The following IQSEC2 variants were observed in gnomAD, a reference collection of about 807,000 sequenced individuals.
IQSEC2 encodes IQ motif and Sec7 domain ArfGEF 2.
In IQSEC2, 6 loss-of-function variants were observed where a neutral mutation model predicts 74.6. The ratio of observed to expected loss-of-function variants is 0.08; its 90% CI spans 0.04 to 0.16. The LOEUF is 0.16. Ranked by LOEUF, IQSEC2 falls within the 10% of genes least tolerant of loss-of-function variation. The pLI, the probability that IQSEC2 is intolerant of heterozygous loss-of-function variation, is 1.00. For synonymous variants in IQSEC2, 494 were observed against 544.5 expected (o/e 0.91, Z 1.29); for missense variants, 734 against 1,306.2 (o/e 0.56, Z 6.75).
chrX:53,275,123 T>C (rs1323178418), intron 2 of IQSEC2, among the ~76,000 whole-genome samples: 1 of 111,883 alleles, frequency 8.9e-6, no homozygotes, highest in Non-Finnish European at 1.9e-5. Flanking sequence ...CTTAATATTA[T>C]TAAAATATTC....
chrX:53,305,155 G>A (rs2075248287), intron 1 of IQSEC2, among the ~76,000 whole-genome samples: 1 of 109,922 alleles, frequency 9.1e-6, no homozygotes, highest in South Asian at 3.9e-4. Flanking sequence ...CTGGCCTCAA[G>A]TGATCCACCT....
At position 53,291,957 on chromosome X, in the gene IQSEC2, G is replaced by A. The variant is rs782545197; in HGVS notation, c.708-33C>T. ...GGAAACAGAGAAAAAAAACCAAAAC[G>A]GTCAGTATACGCTCTCTTCTCCCTC... On this transcript the variant is annotated intron_variant, in intron 1 of 14. Coordinates refer to ENST00000642864, the MANE Select transcript of IQSEC2 (RefSeq NM_001111125.3). 69 of 1,150,211 alleles carry A rather than the reference G, an allele frequency of 6.0e-5. No homozygotes were observed. In the African/African-American group the frequency reaches 1.0e-3, roughly 17 times the overall value. The allele number at this position is 1,150,211 out of a possible 1,213,427, so 94.8% of individuals were successfully genotyped here.
At chrX:53,297,851 CAGGCG>C (rs1569331196) in intron 1 of IQSEC2, among the ~76,000 whole-genome samples, 2 of 111,371 alleles carry the variant, frequency 1.8e-5, no homozygotes, top group Non-Finnish European at 3.8e-5. Flanking sequence ...TCTCTCAGGC[CAGGCG>C]TGGTGGCTCA....
In IQSEC2 at chrX:53,255,979, G is replaced by C; in HGVS notation, c.820C>G (p.Leu274Val). 8.4e-7 allele frequency: 1 copy of C among 1,190,642 alleles called. No homozygotes were observed. The highest frequency in any genetic ancestry group is 1.1e-6 in the Non-Finnish European group (1 of 882,902). ...GSQPPYRLSQ[L>V]PPSSSHMGGP... ...CCCATGTGGCTGCTGGAGGGGGGCAGCTGGCTCAGCCGGTAGGGGGGTTGG... is the reference window on the plus strand; with the variant it reads ...CCCATGTGGCTGCTGGAGGGGGGCACCTGGCTCAGCCGGTAGGGGGGTTGG... The change falls in exon 3 of 15, where the codon CTG (leucine) becomes GTG (valine). Residue 274 changes from leucine (L) to valine (V), a missense_variant. By Grantham distance (32) the Leu-to-Val change is conservative. Coordinates refer to ENST00000642864, the MANE Select transcript of IQSEC2 (RefSeq NM_001111125.3).
chrX:53,235,051 T>C lies in IQSEC2; in HGVS notation c.3635A>G (p.Lys1212Arg), dbSNP rs781960768. ...CATCTGGAAGGGCCCCTTGCCCCGCTTGCTTCCAAATAGGGAGCCCAGGAA... is the reference window on the plus strand; with the variant it reads ...CATCTGGAAGGGCCCCTTGCCCCGCCTGCTTCCAAATAGGGAGCCCAGGAA... Reference protein sequence around the residue: ...SSFLGSLFGSKRGKGPFQMPP... With the variant: ...SSFLGSLFGSRRGKGPFQMPP... Residue 1212 changes from lysine to arginine, a missense_variant, in exon 15 of 15, where the codon AAG (lysine) becomes AGG (arginine). Lys to Arg is a conservative substitution (Grantham distance 26, BLOSUM62 2). Transcript: ENST00000642864. The C allele has an allele frequency of 8.6e-7, 1 of 1,164,655 alleles. No homozygotes were observed. Among genetic ancestry groups the C allele is most frequent in the Admixed American group, 2.6e-5 (1 of 38,503 alleles).
chrX:53,267,008 A>C, intron 2 of IQSEC2: 1 of 1,154,373 alleles, frequency 8.7e-7, no homozygotes, highest in East Asian at 3.3e-5. Flanking sequence ...CGGACAGCAG[A>C]ACTGGTGAGC....
At chrX:53,228,345 A>G (rs782447481), downstream of IQSEC2, among the ~76,000 whole-genome samples, 44 of 111,667 alleles carry the variant, frequency 3.9e-4, no homozygotes, top group Non-Finnish European at 7.9e-4. Context: ...GGTGCTCCCC[A>G]TGTAGTAAGG....
At chrX:53,247,225 C>A in intron 7 of IQSEC2, 90 bp from the exon 8 acceptor site, 1 of 895,333 alleles carries the variant, frequency 1.1e-6, no homozygotes, top group South Asian at 2.1e-5. Context: ...GCAACCCTTT[C>A]CTGCAAGAAA....
intron 8 of IQSEC2, 91 bp from the exon 9 acceptor site, chrX:53,243,562 C>T (rs2147061375): frequency 1.1e-5 from 12 of 1,080,190 alleles, no homozygotes; most frequent in Non-Finnish European, 1.5e-5. Flanking sequence ...AGGCACGGGC[C>T]ACGATAGTCA....
At chrX:53,279,969 G>GA (rs1331687801) in intron 2 of IQSEC2, among the ~76,000 whole-genome samples, 1 of 106,686 alleles carries the variant, frequency 9.4e-6, no homozygotes, top group Non-Finnish European at 1.9e-5. Context: ...AAGAAAAAAA[G>GA]AAAAAAACCA....
chrX:53,298,197 T>C (rs1556874776), intron 1 of IQSEC2, among the ~76,000 whole-genome samples: 1 of 111,624 alleles, frequency 9.0e-6, no homozygotes, highest in Non-Finnish European at 1.9e-5. Flanking sequence ...TCCTTTGCGT[T>C]GAACTTCCTG....
chrX:53,234,076 C>T lies in IQSEC2; in HGVS notation c.*143G>A. On this transcript the variant is annotated 3_prime_UTR_variant, in exon 15 of 15. Coordinates refer to ENST00000642864, the MANE Select transcript of IQSEC2 (RefSeq NM_001111125.3). ...AACTGCTGGGGGTGAGAGGACGGGTCCCAAGGCAGGGAGGACATGGGGAGG... is the reference window on the plus strand; with the variant it reads ...AACTGCTGGGGGTGAGAGGACGGGTTCCAAGGCAGGGAGGACATGGGGAGG... The T allele has an allele frequency of 3.2e-6, 1 of 314,060 alleles. No homozygotes were observed. The allele number at this position is 314,060 out of a possible 1,213,427, so 25.9% of individuals were successfully genotyped here.
At chrX:53,275,856 G>A (rs1311403046) in intron 2 of IQSEC2, among the ~76,000 whole-genome samples, 2 of 32,572 alleles carry the variant, frequency 6.1e-5, no homozygotes, top group Non-Finnish European at 1.3e-4. Flanking sequence ...ACCACGCCTG[G>A]CAATTTTTTT....
At position 53,234,239 on chromosome X, in the gene IQSEC2, G is replaced by A. The variant is rs2074088928; in HGVS notation, c.4447C>T (p.Arg1483Trp). 9.2e-7 allele frequency: 1 copy of A among 1,085,618 alleles called. No individual in the cohort carries two copies. The highest frequency in any genetic ancestry group is 1.2e-6 in the Non-Finnish European group (1 of 827,048). 89.5% of individuals were successfully genotyped at this position (1,085,618 alleles called of 1,213,427 possible). The change falls in exon 15 of 15, where the codon CGG becomes TGG. Residue 1483 changes from arginine to tryptophan, a missense_variant. Physicochemically the swap from Arg to Trp is moderately radical, Grantham distance 101 (BLOSUM62 -3). Transcript: ENST00000642864. Reference protein sequence around the residue: ...PSANPKAKPSRISTVV With the variant: ...PSANPKAKPSWISTVV Reference sequence around the variant, plus strand: ...ATTCATCAGACCACGGTGCTGATCCGGCTTGGCTTGGCCTTGGGGTTTGCA... The same window carrying A: ...ATTCATCAGACCACGGTGCTGATCCAGCTTGGCTTGGCCTTGGGGTTTGCA...
Position 53,321,163 on chromosome X carries a change from T to G in IQSEC2, c.-40A>C. ...GGCAGGGGAACGGGCAGGAGAGCCC[T>G]GTCCCCGCTCTCTCACGGCGCCACC... On this transcript the variant is annotated 5_prime_UTR_variant, in exon 1 of 15. Coordinates refer to ENST00000642864, the MANE Select transcript of IQSEC2 (RefSeq NM_001111125.3). The G allele has an allele frequency of 1.1e-6, 1 of 879,895 alleles. No homozygotes were observed. Among genetic ancestry groups the G allele is most frequent in the Non-Finnish European group, 1.6e-6 (1 of 629,541 alleles). The allele number at this position is 879,895 out of a possible 1,213,427, so 72.5% of individuals were successfully genotyped here.
chrX:53,273,811 G>A (rs185614954), intron 2 of IQSEC2, among the ~76,000 whole-genome samples: 1 of 112,094 alleles, frequency 8.9e-6, no homozygotes, highest in Admixed American at 9.4e-5. Context: ...TCCATAATAT[G>A]GGTATATCAT....
rs1569329770 is a variant in IQSEC2, at chrX:53,294,980, G to A, written c.708-3056C>T. Among the ~76,000 whole-genome samples, 4 of 111,273 alleles carry A rather than the reference G, an allele frequency of 3.6e-5. No homozygotes were observed. The South Asian group carries it at 1.5e-3, about 43-fold the overall frequency. Reference sequence around the variant, plus strand: ...TGGGATTACAGGTGCCCACCACTGTGCCTGGCTAATTTTTGTGTTTTTAAT... The same window carrying A: ...TGGGATTACAGGTGCCCACCACTGTACCTGGCTAATTTTTGTGTTTTTAAT... On this transcript the variant is annotated intron_variant, in intron 1 of 14. Transcript: ENST00000642864.
chrX:53,299,322 C>G (rs1214928865), intron 1 of IQSEC2, among the ~76,000 whole-genome samples: 1 of 112,140 alleles, frequency 8.9e-6, no homozygotes, highest in Non-Finnish European at 1.9e-5. Context: ...CTTGGAAACT[C>G]TGTGTGCAGG....
At chrX:53,262,380 C>T (rs900117793) in intron 2 of IQSEC2, among the ~76,000 whole-genome samples, 8 of 112,089 alleles carry the variant, frequency 7.1e-5, no homozygotes, top group Non-Finnish European at 1.5e-4. Flanking sequence ...GTCATGGAAA[C>T]GAATGGGGGC....
Sources: gnomAD v4.1 joint callset for allele counts (sites outside exome capture counted in the v4.1 genomes callset) on GRCh38, gnomAD v4.1.1 for gene constraint, MANE v1.5 for transcripts, NCBI Gene and HGNC (gene_info 2026-07-23, HGNC 2026-07-21) for gene names.